DHRSX: variants seen among roughly 807,000 people sequenced by gnomAD.
DHRSX encodes the protein dehydrogenase/reductase X-linked, also known as polyprenol dehydrogenase.
A neutral mutation model predicts 34.0 loss-of-function variants in DHRSX; 31 were observed. The ratio of observed to expected loss-of-function variants is 0.91; its 90% CI spans 0.69 to 1.23. The LOEUF (loss-of-function observed/expected upper bound fraction) is 1.23, where lower values mean the gene tolerates loss of function less well. DHRSX is among the 50% of genes most tolerant of loss of function. DHRSX has a pLI of 0.00. For missense variants in DHRSX, 414 were observed against 428.1 expected (o/e 0.97, Z 0.29); for synonymous variants, 201 against 183.8 (o/e 1.09, Z -0.76).
chrX:2,356,352 G>A (rs1036500949), intron 3 of DHRSX, among the ~76,000 whole-genome samples: 11 of 152,162 alleles, frequency 7.2e-5, no homozygotes, highest in Non-Finnish European at 5.9e-5. Flanking sequence ...TCCAGCCTGG[G>A]TGACAAAGCA....
intron 6 of DHRSX, among the ~76,000 whole-genome samples, chrX:2,232,226 A>G (rs1456467047): frequency 6.6e-6 from 1 of 151,668 alleles, no homozygotes; most frequent in Admixed American, 6.6e-5. Flanking sequence ...CAACCTTCAC[A>G]CTACACCCTT....
chrX:2,404,005 GAACTATAT>G (rs1234311748), intron 3 of DHRSX, among the ~76,000 whole-genome samples: 1 of 152,042 alleles, frequency 6.6e-6, no homozygotes, highest in Non-Finnish European at 1.5e-5. Flanking sequence ...GAATTTTGGG[GAACTATAT>G]ATAGTTTTTA....
chrX:2,378,190 C>T (rs142062105), intron 3 of DHRSX, among the ~76,000 whole-genome samples: 10 of 152,360 alleles, frequency 6.6e-5, no homozygotes, highest in South Asian at 2.1e-4. Context: ...TCCTTTGACA[C>T]GGGCTCTGCC....
intron 3 of DHRSX, among the ~76,000 whole-genome samples, chrX:2,298,622 A>ACGCACGCACACGCACGCGCG (rs2041970625): frequency 6.8e-6 from 1 of 147,990 alleles, no homozygotes; most frequent in African/African-American, 2.6e-5. Flanking sequence ...ACACACACAC[A>ACGCACGCACACGCACGCGCG]CACACACACA....
intron 1 of DHRSX, among the ~76,000 whole-genome samples, chrX:2,431,821 C>T (rs1392298462): frequency 2.0e-5 from 3 of 152,088 alleles, no homozygotes; most frequent in African/African-American, 4.8e-5. Context: ...ACCTGGGTGA[C>T]GGGATCCTTG....
rs2016202554 is a variant in DHRSX at position 2,243,786 on chromosome X, C to CTGTTTTT, written c.597-563_597-557dup. Among the ~76,000 whole-genome samples the CTGTTTTT allele has an allele frequency of 5.6e-4, 14 of 25,140 alleles. No homozygotes were observed. In the East Asian group the frequency reaches 0.017, roughly 31 times the overall value. 16.5% of individuals were successfully genotyped at this position (25,140 alleles called of 152,430 possible). A position where few individuals can be genotyped will look rare whatever the true frequency, so the allele number is the denominator to read the frequency against. ...TTACAGGCAGGAGCCACTATGCTCC[C>CTGTTTTT]TGTTTTTTTTTTTTTTTTTTTTTTT... is the stretch of plus-strand genomic sequence containing the variant. On this transcript the variant is annotated intron_variant, in intron 5 of 6. Transcript: ENST00000334651.
At chrX:2,438,008 G>GAAAA (rs112487173) in intron 1 of DHRSX, among the ~76,000 whole-genome samples, 9 of 147,258 alleles carry the variant, frequency 6.1e-5, no homozygotes, top group Non-Finnish European at 8.9e-5. Context: ...TAACCATGGG[G>GAAAA]AAAAAAAAAA....
At chrX:2,285,364 A>G (rs1326500723) in intron 4 of DHRSX, among the ~76,000 whole-genome samples, 1 of 152,122 alleles carries the variant, frequency 6.6e-6, no homozygotes, top group Non-Finnish European at 1.5e-5. Context: ...CACAACCTAG[A>G]TCCTTCCCAT....
intron 6 of DHRSX, among the ~76,000 whole-genome samples, chrX:2,224,663 TAC>T (rs1256625199): frequency 2.0e-5 from 3 of 151,728 alleles, no homozygotes; most frequent in Non-Finnish European, 4.4e-5. Flanking sequence ...CATGCACACA[TAC>T]ATTCGTATGT....
At chrX:2,306,183 A>G (rs1478306478) in intron 3 of DHRSX, among the ~76,000 whole-genome samples, 1 of 151,816 alleles carries the variant, frequency 6.6e-6, no homozygotes, top group African/African-American at 2.4e-5. Context: ...CAGGCAACCA[A>G]CGGGCTTTGC....
chrX:2,381,318 A>T (rs1482370456), intron 3 of DHRSX, among the ~76,000 whole-genome samples: 1 of 152,194 alleles, frequency 6.6e-6, no homozygotes, highest in East Asian at 1.9e-4. Context: ...CCCTTCTGCC[A>T]CGTGATGACA....
intron 3 of DHRSX, among the ~76,000 whole-genome samples, chrX:2,346,788 A>T (rs35819409): frequency 9.2e-5 from 14 of 151,578 alleles, no homozygotes; most frequent in Admixed American, 9.2e-4. Context: ...TCCTAATGCT[A>T]TCCCTCCCCC....
chrX:2,269,916 A>G (rs1232532715), intron 4 of DHRSX, among the ~76,000 whole-genome samples: 3 of 152,148 alleles, frequency 2.0e-5, no homozygotes, highest in African/African-American at 7.2e-5. Flanking sequence ...ATGTATATGT[A>G]CATCTGCATA....
At chrX:2,364,921 TCTAA>T (rs2042979894) in intron 3 of DHRSX, among the ~76,000 whole-genome samples, 2 of 152,212 alleles carry the variant, frequency 1.3e-5, no homozygotes, top group South Asian at 2.1e-4. Flanking sequence ...CTATTTTCTG[TCTAA>T]CTAATATCTA....
intron 3 of DHRSX, among the ~76,000 whole-genome samples, chrX:2,345,563 C>T (rs2042696148): frequency 6.6e-6 from 1 of 151,074 alleles, no homozygotes; most frequent in Admixed American, 6.6e-5. Flanking sequence ...AGAAGAATTG[C>T]TCAAACCTGG....
chrX:2,298,601 T>TACACACACACACACACACACACACGCGC, intron 3 of DHRSX, among the ~76,000 whole-genome samples: 1 of 131,818 alleles, frequency 7.6e-6, no homozygotes, highest in African/African-American at 4.1e-5. Flanking sequence ...GGCGCGTGTG[T>TACACACACACACACACACACACACGCGC]ACACACACAC....
intron 3 of DHRSX, among the ~76,000 whole-genome samples, chrX:2,335,099 C>T (rs1436406919): frequency 3.3e-5 from 5 of 150,918 alleles, no homozygotes; most frequent in African/African-American, 7.3e-5. Context: ...GCAGGGGAAT[C>T]GCTGGAACCA....
At chrX:2,305,195 G>T (rs890009396) in intron 3 of DHRSX, among the ~76,000 whole-genome samples, 6 of 151,976 alleles carry the variant, frequency 3.9e-5, no homozygotes, top group Non-Finnish European at 7.4e-5. Flanking sequence ...CACACACTGG[G>T]GCGTGTTGTG....
intron 4 of DHRSX, among the ~76,000 whole-genome samples, chrX:2,288,826 T>A (rs1172848731): frequency 6.6e-6 from 1 of 152,196 alleles, no homozygotes; most frequent in Admixed American, 6.5e-5. Flanking sequence ...TGATTCAAAT[T>A]CAACCCTGTC....
Sources: allele counts gnomAD v4.1 joint callset (sites outside exome capture counted in the v4.1 genomes callset), GRCh38; gene constraint gnomAD v4.1.1; transcripts MANE v1.5; gene names NCBI Gene and HGNC (gene_info 2026-07-23, HGNC 2026-07-21).